The following SNX10 variants were observed in gnomAD, a reference collection of about 807,000 sequenced individuals.
SNX10 encodes the protein sorting nexin 10.
In SNX10, 25 loss-of-function variants were observed where a neutral mutation model predicts 28.5. The ratio of observed to expected loss-of-function variants is 0.88; its 90% CI spans 0.64 to 1.22. The LOEUF (loss-of-function observed/expected upper bound fraction) is 1.22. Among genes scored for constraint, SNX10 ranks in the 50% most tolerant of loss-of-function variants. SNX10 has a pLI of 0.00. For missense variants in SNX10, 223 were observed against 242.6 expected (o/e 0.92, Z 0.54); for synonymous variants, 62 against 81.4 (o/e 0.76, Z 1.28).
chr7:26,366,690 T>G (rs1562821842), intron 5 of SNX10, among the ~76,000 whole-genome samples: 1 of 152,246 alleles, frequency 6.6e-6, no homozygotes, highest in Non-Finnish European at 1.5e-5. Context: ...CTCGGGGAGC[T>G]GTGGCATCTT....
intron 1 of SNX10, 94 bp from the exon 2 acceptor site, chr7:26,346,326 C>G (rs1788385224): frequency 1.3e-6 from 1 of 793,966 alleles, no homozygotes; most frequent in Non-Finnish European, 2.3e-6. Context: ...GCGGGGGGGG[C>G]TCTGTCAGGG....
chr7:26,299,582 C>T (rs1016969010), intron 1 of SNX10, among the ~76,000 whole-genome samples: 1 of 151,816 alleles, frequency 6.6e-6, no homozygotes, highest in African/African-American at 2.4e-5. Flanking sequence ...AGGTGAGCAC[C>T]ACCATACCCA....
At chr7:26,303,585 G>C (rs1374962970) in intron 1 of SNX10, among the ~76,000 whole-genome samples, 8 of 152,088 alleles carry the variant, frequency 5.3e-5, no homozygotes, top group Admixed American at 2.6e-4. Flanking sequence ...CCATTCCCTT[G>C]CTTGTTTCTC....
At chr7:26,323,520 A>C (rs1045803240) in intron 1 of SNX10, among the ~76,000 whole-genome samples, 8 of 152,118 alleles carry the variant, frequency 5.3e-5, no homozygotes, top group African/African-American at 1.9e-4. Context: ...CGGAACACAG[A>C]GGAGAGGAAG....
At chr7:26,321,870 T>C (rs1787322908) in intron 1 of SNX10, among the ~76,000 whole-genome samples, 1 of 152,038 alleles carries the variant, frequency 6.6e-6, no homozygotes, top group Non-Finnish European at 1.5e-5. Flanking sequence ...CTCAGCATCC[T>C]GAGTAGCTGG....
chr7:26,363,964 C>T lies in SNX10; in HGVS notation c.112-571C>T, dbSNP rs544235028. Among the ~76,000 whole-genome samples, 316 of 152,304 alleles carry T rather than the reference C, an allele frequency of 2.1e-3. No individual in the cohort carries two copies. In the Middle Eastern group the frequency reaches 0.024, roughly 11 times the overall value. On this transcript the variant is annotated intron_variant, in intron 3 of 6. Coordinates refer to ENST00000338523, the MANE Select transcript of SNX10 (RefSeq NM_013322.3). Reference sequence around the variant, plus strand: ...CCTCTATGCCAGATGTTTATCCCCACGTACCACGGTCATTCTCTGGCTCGG... The same window carrying T: ...CCTCTATGCCAGATGTTTATCCCCATGTACCACGGTCATTCTCTGGCTCGG...
chr7:26,339,530 C>CTTTTTTTTT lies in SNX10; in HGVS notation c.-23-6886_-23-6878dup, dbSNP rs142702810. ...TTTGTTTGTTGTTGTTGAGCTTGAT[C>CTTTTTTTTT]TTTTTTTTTTTTCTTTTTTTTTTGA... On this transcript the variant is annotated intron_variant, in intron 1 of 6. Coordinates refer to ENST00000338523, the MANE Select transcript of SNX10 (RefSeq NM_013322.3). Among the ~76,000 whole-genome samples, 18 of 96,020 alleles carry CTTTTTTTTT rather than the reference C, an allele frequency of 1.9e-4. 1 individual carries two copies. The highest frequency in any genetic ancestry group is 5.5e-4 in the East Asian group (2 of 3,608). The allele number at this position is 96,020 out of a possible 152,430, so 63.0% of individuals were successfully genotyped here.
At chr7:26,348,932 T>C (rs10254065) in intron 2 of SNX10, among the ~76,000 whole-genome samples, 61,484 of 152,120 alleles carry the variant, frequency 0.4, 13,610 homozygotes, top group South Asian at 0.61. Context: ...CTTCAGGCAT[T>C]GGCTTAGAAG....
chr7:26,295,186 T>G (rs1383268310), intron 1 of SNX10, among the ~76,000 whole-genome samples: 1 of 152,168 alleles, frequency 6.6e-6, no homozygotes, highest in Non-Finnish European at 1.5e-5. Flanking sequence ...CTTTATCAGA[T>G]CTGTGAACCC....
At chr7:26,322,047 A>G (rs994741289) in intron 1 of SNX10, among the ~76,000 whole-genome samples, 2 of 152,148 alleles carry the variant, frequency 1.3e-5, no homozygotes, top group Admixed American at 6.5e-5. Context: ...GGCAGACATC[A>G]CTAATTGATC....
chr7:26,323,716 C>T (rs1462664333), intron 1 of SNX10, among the ~76,000 whole-genome samples: 15 of 152,142 alleles, frequency 9.9e-5, no homozygotes, highest in Admixed American at 8.5e-4. Flanking sequence ...GAGAATGGAT[C>T]GTGTGGGGCA....
chr7:26,315,956 G>A (rs1253044118), intron 1 of SNX10, among the ~76,000 whole-genome samples: 1 of 151,942 alleles, frequency 6.6e-6, no homozygotes, highest in Non-Finnish European at 1.5e-5. Context: ...GCTGAGGTGG[G>A]TGGATCACGA....
intron 1 of SNX10, among the ~76,000 whole-genome samples, chr7:26,318,972 A>G (rs979834003): frequency 2.6e-5 from 4 of 152,188 alleles, no homozygotes; most frequent in Admixed American, 1.3e-4. Context: ...CATGAGTGGC[A>G]TAGTTGGGGA....
chr7:26,301,057 C>G (rs999430854), intron 1 of SNX10, among the ~76,000 whole-genome samples: 1 of 143,872 alleles, frequency 7.0e-6, no homozygotes, highest in Non-Finnish European at 1.5e-5. Flanking sequence ...CATCATCTCT[C>G]AGTTTAGTTG....
intron 2 of SNX10, among the ~76,000 whole-genome samples, chr7:26,353,462 G>GGGA (rs1562813906): frequency 4.1e-5 from 4 of 96,572 alleles, no homozygotes; most frequent in South Asian, 8.7e-4. Flanking sequence ...TTTTTTTTTG[G>GGGA]TGGGGAGACA....
chr7:26,317,889 C>T (rs1022918091), intron 1 of SNX10, among the ~76,000 whole-genome samples: 14 of 152,172 alleles, frequency 9.2e-5, no homozygotes, highest in Admixed American at 8.5e-4. Context: ...TCTTGAACTC[C>T]TGACTTCATA....
rs1161106639 is a variant in SNX10, at chr7:26,353,458, T to TG, written c.24+6992_24+6993insG. Among the ~76,000 whole-genome samples the TG allele has an allele frequency of 1.3e-4, 8 of 59,444 alleles. 1 individual carries two copies. In the South Asian group the frequency reaches 3.0e-3, roughly 23 times the overall value. The allele number at this position is 59,444 out of a possible 152,430, so 39.0% of individuals were successfully genotyped here. On this transcript the variant is annotated intron_variant, in intron 2 of 6. Transcript: ENST00000338523. Reference sequence around the variant, plus strand: ...AATGCTTTTTTTTTTTTTTTTTTTTTTTGGTGGGGAGACAGAGTCTTGGTC... The same window carrying TG: ...AATGCTTTTTTTTTTTTTTTTTTTTTGTTGGTGGGGAGACAGAGTCTTGGTC...
chr7:26,315,162 A>G (rs1787025266), intron 1 of SNX10, among the ~76,000 whole-genome samples: 1 of 152,210 alleles, frequency 6.6e-6, no homozygotes, highest in Admixed American at 6.5e-5. Flanking sequence ...GTAAATAATG[A>G]ATTTGTATGT....
rs1789239298 is a variant in SNX10 at position 26,365,141 on chromosome 7, A to G, written c.307A>G (p.Arg103Gly). Residue 103 changes from arginine to glycine, a missense_variant, in exon 5 of 7, where the codon AGA becomes GGA. By Grantham distance (125) the Arg-to-Gly change is moderately radical. Transcript: ENST00000338523. The stretch of plus-strand genomic sequence containing the variant: ...TCGCCAGGGTCTGGAAGATTTCCTC[A>G]GAAAGTGAGTGTCCAGAAACTTTTG... ...QRRQGLEDFL[R>G]KVLQNALLLS... 1 of 1,600,212 alleles carries G rather than the reference A, an allele frequency of 6.2e-7. No individual in the cohort carries two copies. The highest frequency in any genetic ancestry group is 2.2e-5 in the East Asian group (1 of 44,824).
Sources: gnomAD v4.1 joint callset for allele counts (sites outside exome capture counted in the v4.1 genomes callset) on GRCh38, gnomAD v4.1.1 for gene constraint, MANE v1.5 for transcripts, NCBI Gene and HGNC (gene_info 2026-07-23, HGNC 2026-07-21) for gene names.